L3HYPDH: variants seen among roughly 807,000 people sequenced by gnomAD.
L3HYPDH encodes the protein trans-3-hydroxy-L-proline dehydratase.
In L3HYPDH, 32 loss-of-function variants were observed where a neutral mutation model predicts 26.5. The ratio of observed to expected loss-of-function variants is 1.21; its 90% confidence interval spans 0.91 to 1.62. L3HYPDH has a LOEUF of 1.62. L3HYPDH is among the 40% of genes most tolerant of loss of function. The pLI is 0.00. For synonymous variants in L3HYPDH, 215 were observed against 196.6 expected (o/e 1.09, Z -0.78); for missense variants, 554 against 476.4 (o/e 1.16, Z -1.52).
At chr14:59,484,875 A>G (rs1890407105), upstream of L3HYPDH, 2 of 1,241,098 alleles carry the variant, frequency 1.6e-6, no homozygotes, top group Non-Finnish European at 2.2e-6. Context: ...TGTCGAGGGA[A>G]CACTTGCTTG....
At position 59,472,651 on chromosome 14, in the gene L3HYPDH, TATG is replaced by T. The variant is rs779742291; in HGVS notation, c.*311_*313del. The T allele has an allele frequency of 4.6e-5, 9 of 196,290 alleles. No homozygotes were observed. The highest frequency in any genetic ancestry group is 8.1e-5 in the Non-Finnish European group (8 of 98,168). 12.2% of individuals were successfully genotyped at this position (196,290 alleles called of 1,614,324 possible). On this transcript the variant is annotated 3_prime_UTR_variant, in exon 5 of 5. Transcript: ENST00000247194. ...TATTCGAAGAGCCTTTAATACAAAA[TATG>T]ATATTAATAGTAATTACTATAGAGC...
chr14:59,483,882 G>A lies in L3HYPDH; in HGVS notation c.435C>T (p.Phe145=). The change falls in exon 1 of 5, where the codon TTC becomes TTT. Residue 145 remains phenylalanine (F), a synonymous_variant. Transcript: ENST00000247194. ...GGCTGCGGCCGTCCTCGCATGCCAC[G>A]AAGGCGGTCACCAGCCCGCAGGGGC... is the stretch of plus-strand genomic sequence containing the variant. The part of the protein sequence containing the change: ...IHCPCGLVTA[F]VACEDGRSHG... 6.4e-7 allele frequency: 1 copy of A among 1,573,736 alleles called. No homozygotes were observed. The highest frequency in any genetic ancestry group is 8.6e-7 in the Non-Finnish European group (1 of 1,166,882).
At chr14:59,477,687 A>C (rs1430420374) in intron 2 of L3HYPDH, among the ~76,000 whole-genome samples, 1 of 152,244 alleles carries the variant, frequency 6.6e-6, no homozygotes, top group Non-Finnish European at 1.5e-5. Flanking sequence ...TGCTATCATA[A>C]TATAATTGCA....
At chr14:59,493,019 T>C in the L3HYPDH span, among the ~76,000 whole-genome samples, 1,417 of 151,552 alleles carry the variant, frequency 9.3e-3, 22 homozygotes, top group African/African-American at 0.031. Context: ...AGGATGGTCT[T>C]GATTTCCTGA....
At chr14:59,479,001 T>C (rs1011781311) in intron 2 of L3HYPDH, 181 bp downstream of exon 2, 2 of 480,094 alleles carry the variant, frequency 4.2e-6, no homozygotes, top group Middle Eastern at 5.3e-4. Flanking sequence ...CTGGGCTGCA[T>C]GTGGCTCACA....
chr14:59,483,381 G>T, intron 1 of L3HYPDH: 2 of 371,272 alleles, frequency 5.4e-6, no homozygotes, highest in South Asian at 8.9e-5. Context: ...AAGGAGACCA[G>T]GTTTAGTAAC....
In L3HYPDH at chr14:59,466,412, C is replaced by T. The variant is rs536483027; in HGVS notation, n.31-5239G>A. Among the ~76,000 whole-genome samples, 21 of 152,302 alleles carry T rather than the reference C, an allele frequency of 1.4e-4. No homozygotes were observed. In the East Asian group the frequency reaches 1.5e-3, roughly 11 times the overall value. On this transcript the variant is annotated intron_variant and non_coding_transcript_variant, in intron 1 of 2. Transcript: ENST00000466522. The stretch of plus-strand genomic sequence containing the variant: ...TCAGGTTAACTAACCCTGGGCTCTT[C>T]GCTAAAGCAGTGGTTCACAGAGTAT...
chr14:59,484,072 G>C lies in L3HYPDH; in HGVS notation c.245C>G (p.Pro82Arg), dbSNP rs779177998. Reference protein sequence around the residue: ...HRDMYGAVLVPSELPDAHLGV... With the variant: ...HRDMYGAVLVRSELPDAHLGV... ...CAGATGCGCGTCCGGCAGCTCGCTC[G>C]GGACTAGGACCGCCCCGTACATGTC... Residue 82 changes from proline (P) to arginine (R), a missense_variant, in exon 1 of 5, where the codon CCG becomes CGG. Pro to Arg is a moderately radical substitution (Grantham distance 103). Coordinates refer to ENST00000247194, the MANE Select transcript of L3HYPDH (RefSeq NM_144581.2). 1.2e-6 allele frequency: 2 copies of C among 1,606,926 alleles called. No homozygotes were observed. Among genetic ancestry groups the C allele is most frequent in the African/African-American group, 1.3e-5 (1 of 74,914 alleles).
At chr14:59,480,970 CCTTGATTGTAACAA>C (rs1889978239) in intron 1 of L3HYPDH, among the ~76,000 whole-genome samples, 1 of 152,110 alleles carries the variant, frequency 6.6e-6, no homozygotes, top group African/African-American at 2.4e-5. Context: ...TGCCCTCTTC[CCTTGATTGTAACAA>C]CTAAATGGGG....
the L3HYPDH span, among the ~76,000 whole-genome samples, chr14:59,496,245 G>GAT: frequency 4.1e-3 from 614 of 150,158 alleles, 3 homozygotes; most frequent in African/African-American, 0.014. Context: ...TTATTTTATA[G>GAT]ATATATATAT....
At chr14:59,501,971 A>G in the L3HYPDH span, among the ~76,000 whole-genome samples, 9,457 of 152,238 alleles carry the variant, frequency 0.062, 392 homozygotes, top group Middle Eastern at 0.11. Context: ...ACATCATATC[A>G]TAACGTTTAT....
chr14:59,493,143 A>G, the L3HYPDH span, among the ~76,000 whole-genome samples: 2 of 152,200 alleles, frequency 1.3e-5, no homozygotes, highest in Non-Finnish European at 2.9e-5. Context: ...AGGTTTTACA[A>G]AAATAATGAG....
intron 1 of L3HYPDH, 77 bp downstream of exon 1, chr14:59,483,732 C>T (rs1255889526): frequency 3.3e-6 from 5 of 1,535,066 alleles, no homozygotes; most frequent in Admixed American, 4.0e-5. Flanking sequence ...AGAGTTCCAG[C>T]CCAGAAAAAC....
upstream of L3HYPDH, among the ~76,000 whole-genome samples, chr14:59,488,322 G>A (rs1251518519): frequency 1.3e-5 from 2 of 152,138 alleles, no homozygotes; most frequent in African/African-American, 2.4e-5. Context: ...ATGGCTTATA[G>A]TCATAATCTT....
chr14:59,497,435 A>G, the L3HYPDH span, among the ~76,000 whole-genome samples: 2 of 152,158 alleles, frequency 1.3e-5, no homozygotes, highest in Non-Finnish European at 2.9e-5. Flanking sequence ...TCCAGAAACT[A>G]GTTTCCTAGT....
the L3HYPDH span, among the ~76,000 whole-genome samples, chr14:59,494,554 T>C: frequency 3.3e-5 from 5 of 152,242 alleles, no homozygotes; most frequent in African/African-American, 1.2e-4. Flanking sequence ...TGGAAAAAAG[T>C]GGTAAAAGCA....
chr14:59,494,142 TACAC>T, the L3HYPDH span, among the ~76,000 whole-genome samples: 163 of 125,818 alleles, frequency 1.3e-3, no homozygotes, highest in African/African-American at 2.8e-3. Context: ...GTGTGTGAGA[TACAC>T]ACACATCTCA....
At chr14:59,505,262 C>T in the L3HYPDH span, 1 of 1,502,750 alleles carries the variant, frequency 6.7e-7, no homozygotes, top group Non-Finnish European at 8.9e-7. Context: ...GTATTTTTCT[C>T]AGTACATTTA....
the L3HYPDH span, among the ~76,000 whole-genome samples, chr14:59,496,486 T>C: frequency 1.3e-5 from 2 of 152,172 alleles, no homozygotes; most frequent in East Asian, 1.9e-4. Context: ...ATCAGACTTA[T>C]TTAGCGATAG....
Sources: gnomAD v4.1 joint callset for allele counts (sites outside exome capture counted in the v4.1 genomes callset) on GRCh38, gnomAD v4.1.1 for gene constraint, MANE v1.5 for transcripts, NCBI Gene and HGNC (gene_info 2026-07-23, HGNC 2026-07-21) for gene names.